AOPEP: variants seen among roughly 807,000 people sequenced by gnomAD.
AOPEP encodes the protein aminopeptidase O (putative), also known as aminopeptidase O.
A neutral mutation model predicts 98.1 loss-of-function variants in AOPEP; 77 were observed. The observed-to-expected ratio is 0.78, with a 90% confidence interval of 0.65 to 0.95. AOPEP has a LOEUF of 0.95. Among genes scored for constraint, AOPEP ranks in the 40% least tolerant of loss-of-function variants. The probability of loss-of-function intolerance (pLI) is 0.00; values close to 1 mark genes in which losing one functional copy is unlikely to be tolerated. For missense variants in AOPEP, 1,024 were observed against 1,024.7 expected, an observed-to-expected ratio of 1.00 and a Z score of 0.01; for synonymous variants, 346 against 365.3, an observed-to-expected ratio of 0.95 and a Z score of 0.60.
At chr9:95,094,472 A>G in the AOPEP span, among the ~76,000 whole-genome samples, 1 of 152,014 alleles carries the variant, frequency 6.6e-6, no homozygotes, top group Admixed American at 6.6e-5. Flanking sequence ...GACCCATTCA[A>G]CACTCGTGCC....
intron 12 of AOPEP, 41 bp from the exon 13 acceptor site, chr9:95,005,501 C>T: frequency 6.4e-7 from 1 of 1,571,718 alleles, no homozygotes; most frequent in Non-Finnish European, 8.8e-7. Flanking sequence ...CCGTCAGGAC[C>T]CTGTCGCCTT....
intron 16 of AOPEP, chr9:95,085,863 G>A: frequency 8.5e-7 from 1 of 1,178,096 alleles, no homozygotes; most frequent in East Asian, 5.9e-5. Context: ...TGTGAGCGGG[G>A]CGGGGCGGGG....
At chr9:94,777,296 G>A (rs1842323872) in intron 3 of AOPEP, among the ~76,000 whole-genome samples, 1 of 152,038 alleles carries the variant, frequency 6.6e-6, no homozygotes, top group Non-Finnish European at 1.5e-5. Context: ...GCCGGGCGTG[G>A]TGGTGGGTGC....
intron 7 of AOPEP, among the ~76,000 whole-genome samples, chr9:94,937,147 T>G (rs1367875172): frequency 6.6e-6 from 1 of 152,226 alleles, no homozygotes; most frequent in African/African-American, 2.4e-5. Flanking sequence ...AACCCTCTAA[T>G]GCTGCCTTGG....
intron 5 of AOPEP, among the ~76,000 whole-genome samples, chr9:94,914,023 A>G (rs188562257): frequency 1.3e-5 from 2 of 152,360 alleles, no homozygotes; most frequent in Non-Finnish European, 2.9e-5. Flanking sequence ...TCTTATAGCC[A>G]TAAATAGGAA....
At chr9:95,012,988 G>GGA (rs71366271) in intron 13 of AOPEP, among the ~76,000 whole-genome samples, 10 of 28,208 alleles carry the variant, frequency 3.5e-4, no homozygotes, top group Non-Finnish European at 5.7e-4. Context: ...TTTTTTTTTT[G>GGA]GGGGGGGGGG....
rs149022943 is a variant in AOPEP at position 94,745,315 on chromosome 9, C to T, written c.-135-14334C>T. On this transcript the variant is annotated intron_variant, in intron 1 of 16. Coordinates refer to ENST00000375315, the MANE Select transcript of AOPEP (RefSeq NM_001193329.3). The stretch of plus-strand genomic sequence containing the variant: ...TTTTTGAGACAGAGTCTGGCTCTGT[C>T]GCCTAGGCTGGAGTGCAATGGGTGA... Among the ~76,000 whole-genome samples the T allele has an allele frequency of 5.9e-3, 882 of 149,798 alleles. 8 individuals carry two copies. Among genetic ancestry groups the T allele is most frequent in the South Asian group, 0.042 (197 of 4,740 alleles).
chr9:94,967,881 A>G (rs2059304414), intron 10 of AOPEP, 80 bp downstream of exon 10: 1 of 1,170,980 alleles, frequency 8.5e-7, no homozygotes, highest in Non-Finnish European at 1.3e-6. Context: ...TTGGCTTGTC[A>G]CAGCCTAGAA....
chr9:94,782,666 A>C (rs996276660), intron 3 of AOPEP, among the ~76,000 whole-genome samples: 1 of 152,268 alleles, frequency 6.6e-6, no homozygotes, highest in African/African-American at 2.4e-5. Flanking sequence ...TTTTCCTCAC[A>C]AAGAAAGAAT....
chr9:95,091,206 G>A (rs79242028), downstream of AOPEP, among the ~76,000 whole-genome samples: 1,760 of 152,332 alleles, frequency 0.012, 35 homozygotes, highest in African/African-American at 0.04. Context: ...GATGGGGCCA[G>A]TGGAGGACTT....
chr9:94,934,006 C>T (rs1172577903), intron 7 of AOPEP, among the ~76,000 whole-genome samples: 1 of 152,174 alleles, frequency 6.6e-6, no homozygotes, highest in African/African-American at 2.4e-5. Flanking sequence ...CCTCGGCCTC[C>T]CAAAGTGCTG....
At chr9:95,127,156 A>C in the AOPEP span, 2 of 154,116 alleles carry the variant, frequency 1.3e-5, no homozygotes, top group South Asian at 4.0e-4. Context: ...AAAGTTATCT[A>C]ATTTCTCCTT....
chr9:94,777,590 A>G (rs2133039662), intron 3 of AOPEP, among the ~76,000 whole-genome samples: 1 of 148,304 alleles, frequency 6.7e-6, no homozygotes, highest in African/African-American at 2.5e-5. Context: ...TAATACATAT[A>G]TCTGGCAAAA....
chr9:95,028,620 A>C (rs1564543834), intron 13 of AOPEP, among the ~76,000 whole-genome samples: 1 of 152,222 alleles, frequency 6.6e-6, no homozygotes, highest in Non-Finnish European at 1.5e-5. Context: ...CCATTTCAGA[A>C]AATCTCTTTT....
At chr9:94,815,217 G>A (rs1001987563) in intron 5 of AOPEP, among the ~76,000 whole-genome samples, 1 of 152,118 alleles carries the variant, frequency 6.6e-6, no homozygotes, top group South Asian at 2.1e-4. Context: ...GGGGTGGCTA[G>A]GAAGTCCCAT....
intron 7 of AOPEP, among the ~76,000 whole-genome samples, chr9:94,937,280 CG>C (rs2056413410): frequency 6.6e-6 from 1 of 152,192 alleles, no homozygotes; most frequent in South Asian, 2.1e-4. Flanking sequence ...TGCCAGGAAA[CG>C]AGGACAAAAA....
intron 5 of AOPEP, among the ~76,000 whole-genome samples, chr9:94,878,156 T>C (rs1332429633): frequency 6.6e-6 from 1 of 151,546 alleles, no homozygotes; most frequent in Non-Finnish European, 1.5e-5. Flanking sequence ...AAGGAAAGTA[T>C]TGGGATAAAA....
chr9:94,806,416 A>G (rs1016743003), intron 5 of AOPEP, among the ~76,000 whole-genome samples: 35 of 152,160 alleles, frequency 2.3e-4, no homozygotes, highest in Admixed American at 3.3e-4. Flanking sequence ...TGAATGATAG[A>G]AAGCAGCTCA....
chr9:95,005,021 G>C (rs1332444056), intron 11 of AOPEP, 137 bp from the exon 12 acceptor site: 1 of 218,062 alleles, frequency 4.6e-6, no homozygotes, highest in Non-Finnish European at 7.8e-6. Flanking sequence ...GGCGCAGGGC[G>C]CGGGCTCCGG....
Sources: allele counts gnomAD v4.1 joint callset (sites outside exome capture counted in the v4.1 genomes callset), GRCh38; gene constraint gnomAD v4.1.1; transcripts MANE v1.5; gene names NCBI Gene and HGNC (gene_info 2026-07-23, HGNC 2026-07-21).